The following FER1L6 variants were observed in gnomAD, a reference collection of about 807,000 sequenced individuals.
FER1L6 encodes the protein fer-1 like family member 6, also known as fer-1-like protein 6.
FER1L6 carries 177 observed loss-of-function variants against 219.2 expected under a neutral mutation model. That is an observed-to-expected ratio of 0.81 (90% CI 0.71 to 0.91). The LOEUF (loss-of-function observed/expected upper bound fraction) is 0.91, where lower values mean the gene tolerates loss of function less well. Among genes scored for constraint, FER1L6 ranks in the 40% least tolerant of loss-of-function variants. FER1L6 has a pLI of 0.00. For synonymous variants in FER1L6, 768 were observed against 824.3 expected, an observed-to-expected ratio of 0.93 and a Z score of 1.17; for missense variants, 2,153 against 2,259.9, an observed-to-expected ratio of 0.95 and a Z score of 0.96.
intron 12 of FER1L6, among the ~76,000 whole-genome samples, chr8:123,987,283 CT>C (rs1429538024): frequency 1.3e-5 from 2 of 152,172 alleles, no homozygotes; most frequent in African/African-American, 4.8e-5. Context: ...TGCTAAGCGC[CT>C]TTTCATATGC....
At chr8:124,066,886 G>A (rs908874290) in intron 27 of FER1L6, among the ~76,000 whole-genome samples, 1 of 152,122 alleles carries the variant, frequency 6.6e-6, no homozygotes, top group Non-Finnish European at 1.5e-5. Flanking sequence ...GGATAGGTGG[G>A]CATCAATGAC....
chr8:124,106,290 C>A (rs949105605), intron 39 of FER1L6, among the ~76,000 whole-genome samples: 1 of 128,024 alleles, frequency 7.8e-6, no homozygotes, highest in African/African-American at 3.0e-5. Flanking sequence ...GATCGTGCCA[C>A]TGCACTCCAG....
chr8:123,921,930 C>T (rs1365508312), intron 1 of FER1L6, among the ~76,000 whole-genome samples: 1 of 152,174 alleles, frequency 6.6e-6, no homozygotes, highest in Non-Finnish European at 1.5e-5. Context: ...CAAGTTCATT[C>T]ATCTGTTTGA....
intron 8 of FER1L6, 107 bp from the exon 9 acceptor site, chr8:123,975,791 T>C: frequency 1.2e-6 from 1 of 867,916 alleles, no homozygotes; most frequent in Non-Finnish European, 1.8e-6. Flanking sequence ...TCTTTTCAGA[T>C]TTGTCTTATA....
chr8:124,114,893 GCGTATATATATA>G (rs1823172981), intron 39 of FER1L6, among the ~76,000 whole-genome samples: 1 of 74,694 alleles, frequency 1.3e-5, no homozygotes, highest in African/African-American at 4.6e-5. Flanking sequence ...GTGTGTGTGT[GCGTATATATATA>G]TATATATATA....
intron 17 of FER1L6, among the ~76,000 whole-genome samples, chr8:124,023,211 C>T (rs1818539776): frequency 6.6e-6 from 1 of 152,176 alleles, no homozygotes; most frequent in African/African-American, 2.4e-5. Flanking sequence ...CACTGCCGCC[C>T]AGCTGTATGC....
intron 1 of FER1L6, among the ~76,000 whole-genome samples, chr8:123,944,130 G>GA (rs959745431): frequency 6.6e-6 from 1 of 151,750 alleles, no homozygotes; most frequent in African/African-American, 2.4e-5. Flanking sequence ...GGATTAAGTG[G>GA]AAAAAAAGTA....
Position 123,856,314 on chromosome 8 carries a change from G to A in FER1L6, c.-8+4129G>A, listed in dbSNP as rs867577093. Among the ~76,000 whole-genome samples, 18 of 44,790 alleles carry A rather than the reference G, an allele frequency of 4.0e-4. 2 individuals carry two copies. Among genetic ancestry groups the A allele is most frequent in the South Asian group, 3.2e-3 (3 of 936 alleles). The allele number at this position is 44,790 out of a possible 152,430, so 29.4% of individuals were successfully genotyped here. On this transcript the variant is annotated intron_variant, in intron 1 of 40. Coordinates refer to ENST00000522917, the MANE Select transcript of FER1L6 (RefSeq NM_001039112.2). ...TGTGTATATATATATATATATGTAT[G>A]TGTATATATATATATATATATATAT... is the stretch of plus-strand genomic sequence containing the variant.
chr8:123,942,562 C>G lies in FER1L6; in HGVS notation c.-7-13430C>G, dbSNP rs755627964. On this transcript the variant is annotated intron_variant, in intron 1 of 40. Transcript: ENST00000522917. ...GATCATGAAGACGATGGGGGAGAATCCTTCCTTGGCTCTTCCAGCTTCTGG... is the reference window on the plus strand; with the variant it reads ...GATCATGAAGACGATGGGGGAGAATGCTTCCTTGGCTCTTCCAGCTTCTGG... Among the ~76,000 whole-genome samples the G allele has an allele frequency of 2.6e-5, 4 of 152,292 alleles. No individual in the cohort carries two copies. In the South Asian group the frequency reaches 6.2e-4, roughly 24 times the overall value.
intron 33 of FER1L6, among the ~76,000 whole-genome samples, chr8:124,089,105 C>T (rs1821909236): frequency 6.6e-6 from 1 of 152,182 alleles, no homozygotes; most frequent in South Asian, 2.1e-4. Context: ...GACTGTCTTT[C>T]ATGTTTATTT....
At chr8:124,100,139 C>A (rs746452754) in intron 37 of FER1L6, among the ~76,000 whole-genome samples, 4 of 152,226 alleles carry the variant, frequency 2.6e-5, no homozygotes, top group Non-Finnish European at 4.4e-5. Context: ...CTTCACTCCC[C>A]TCCTCCCTGC....
At chr8:123,904,413 A>G (rs183844101) in intron 1 of FER1L6, among the ~76,000 whole-genome samples, 435 of 152,146 alleles carry the variant, frequency 2.9e-3, no homozygotes, top group Non-Finnish European at 4.9e-3. Flanking sequence ...CCCACTCCTA[A>G]ATTCCCTTCT....
intron 2 of FER1L6, among the ~76,000 whole-genome samples, chr8:123,962,489 G>A (rs4870884): frequency 0.35 from 53,228 of 151,700 alleles, 9,654 homozygotes; most frequent in Non-Finnish European, 0.41. Context: ...ATTGCCACAG[G>A]GTCCATTCTG....
chr8:123,985,782 A>T (rs890967075), intron 11 of FER1L6: 1 of 279,758 alleles, frequency 3.6e-6, no homozygotes, highest in Non-Finnish European at 6.7e-6. Flanking sequence ...TCCTAGAAAG[A>T]TACGCACACC....
At chr8:124,058,968 T>C (rs1406456308) in intron 22 of FER1L6, 1 of 152,268 alleles carries the variant, frequency 6.6e-6, no homozygotes, top group African/African-American at 2.4e-5. Context: ...CCAACGAGAA[T>C]ATGTCTGTGA....
intron 27 of FER1L6, among the ~76,000 whole-genome samples, 172 bp from the exon 28 acceptor site, chr8:124,067,595 C>T (rs1048257641): frequency 6.6e-6 from 1 of 152,176 alleles, no homozygotes; most frequent in Non-Finnish European, 1.5e-5. Flanking sequence ...TCCTATTGGG[C>T]TTAACCCCCA....
At chr8:124,004,197 C>T (rs1021533881) in intron 13 of FER1L6, 59 of 150,404 alleles carry the variant, frequency 3.9e-4, no homozygotes, top group African/African-American at 1.2e-3. Context: ...TACATGTACT[C>T]TCACTGATCT....
chr8:124,020,368 T>C (rs1333637537), intron 16 of FER1L6, among the ~76,000 whole-genome samples: 5 of 152,146 alleles, frequency 3.3e-5, no homozygotes, highest in Non-Finnish European at 7.4e-5. Flanking sequence ...TGTCAAGTTC[T>C]AGGGCTTCTG....
In FER1L6 at chr8:123,931,867, G is replaced by A. The variant is rs147601617; in HGVS notation, c.-7-24125G>A. Among the ~76,000 whole-genome samples the A allele has an allele frequency of 5.8e-4, 89 of 152,316 alleles. No individual in the cohort carries two copies. In the Middle Eastern group the frequency reaches 0.01, roughly 17 times the overall value. On this transcript the variant is annotated intron_variant, in intron 1 of 40. Coordinates refer to ENST00000522917, the MANE Select transcript of FER1L6 (RefSeq NM_001039112.2). Reference sequence around the variant, plus strand: ...TGGGGGTATAAGCCATAATTTTAGGGAGTGCAGTGACATGGAACTAAATAT... The same window carrying A: ...TGGGGGTATAAGCCATAATTTTAGGAAGTGCAGTGACATGGAACTAAATAT...
Sources: allele counts gnomAD v4.1 joint callset (sites outside exome capture counted in the v4.1 genomes callset), GRCh38; gene constraint gnomAD v4.1.1; transcripts MANE v1.5; gene names NCBI Gene and HGNC (gene_info 2026-07-23, HGNC 2026-07-21).